The following PARD3B variants were observed in gnomAD, a reference collection of about 807,000 sequenced individuals.
PARD3B encodes the protein par-3 family cell polarity regulator beta.
In PARD3B, 103 loss-of-function variants were observed where a neutral mutation model predicts 130.2. The ratio of observed to expected loss-of-function variants is 0.79; its 90% CI spans 0.67 to 0.93. The LOEUF is 0.93. PARD3B is among the 40% of genes least tolerant of loss of function. PARD3B has a pLI of 0.00. For synonymous variants in PARD3B, 583 were observed against 553.2 expected, an observed-to-expected ratio of 1.05 and a Z score of -0.76; for missense variants, 1,609 against 1,499.2, an observed-to-expected ratio of 1.07 and a Z score of -1.21.
intron 2 of PARD3B, among the ~76,000 whole-genome samples, chr2:204,882,305 A>G (rs562593510): frequency 3.9e-4 from 60 of 152,316 alleles, no homozygotes; most frequent in African/African-American, 1.4e-3. Flanking sequence ...ATGCAGAGTT[A>G]TTATCATTTA....
chr2:204,933,025 ACAGCCT>A (rs200233420), intron 2 of PARD3B, among the ~76,000 whole-genome samples: 2,001 of 152,298 alleles, frequency 0.013, 26 homozygotes, highest in Non-Finnish European at 0.021. Context: ...CCAGACTGTA[ACAGCCT>A]CTAAGTGACC....
In PARD3B at chr2:204,577,034, TG is replaced by T. The variant is rs538419335; in HGVS notation, c.120+30923del. Among the ~76,000 whole-genome samples, 206 of 151,998 alleles carry T rather than the reference TG, an allele frequency of 1.4e-3. 3 individuals are homozygous for T. Among genetic ancestry groups the T allele is most frequent in the African/African-American group, 4.5e-3 (188 of 41,480 alleles). ...AAAACTTGAAAAAAATTATTTTTCTTGGGGGGGGATGGGATAGTTGGGTTTC... is the reference window on the plus strand; with the variant it reads ...AAAACTTGAAAAAAATTATTTTTCTTGGGGGGGATGGGATAGTTGGGTTTC... On this transcript the variant is annotated intron_variant, in intron 1 of 22. Transcript: ENST00000406610.
intron 18 of PARD3B, among the ~76,000 whole-genome samples, chr2:205,392,121 A>G (rs186331630): frequency 6.6e-6 from 1 of 152,276 alleles, no homozygotes; most frequent in African/African-American, 2.4e-5. Context: ...TGCATTTCCT[A>G]GCCCCTCGGT....
chr2:204,864,427 C>CT (rs1467053584), intron 2 of PARD3B, among the ~76,000 whole-genome samples: 2 of 151,988 alleles, frequency 1.3e-5, no homozygotes, highest in Non-Finnish European at 2.9e-5. Flanking sequence ...GCTAAACTGA[C>CT]TTTTTTTTAT....
chr2:205,320,612 G>A (rs1408443655), intron 18 of PARD3B, among the ~76,000 whole-genome samples: 1 of 152,172 alleles, frequency 6.6e-6, no homozygotes, highest in Non-Finnish European at 1.5e-5. Context: ...GAGAGGATAA[G>A]ATGTTCTTCT....
intron 5 of PARD3B, among the ~76,000 whole-genome samples, chr2:205,110,633 TGTTTTTTG>T (rs1013293139): frequency 5.1e-5 from 6 of 117,494 alleles, no homozygotes; most frequent in Non-Finnish European, 1.1e-4. Context: ...TTCTGTTTTT[TGTTTTTTG>T]TTTTTTTTGT....
intron 2 of PARD3B, 135 bp from the exon 3 acceptor site, chr2:204,965,017 G>T (rs898042549): frequency 2.9e-6 from 2 of 679,384 alleles, no homozygotes; most frequent in South Asian, 4.4e-5. Flanking sequence ...AAGAGTTGTG[G>T]TATAGTAACA....
At chr2:204,882,263 T>C (rs2046084088) in intron 2 of PARD3B, among the ~76,000 whole-genome samples, 1 of 152,212 alleles carries the variant, frequency 6.6e-6, no homozygotes, top group African/African-American at 2.4e-5. Context: ...TTGAGAAACC[T>C]TTGTTGCTGG....
chr2:204,910,913 ATT>A (rs1307229621), intron 2 of PARD3B, among the ~76,000 whole-genome samples: 1 of 152,164 alleles, frequency 6.6e-6, no homozygotes, highest in Admixed American at 6.5e-5. Flanking sequence ...AAGTGCTGGG[ATT>A]ACAGGCATGA....
In PARD3B at chr2:205,325,499, A is replaced by T. The variant is rs1448828693; in HGVS notation, c.2630+23798A>T. On this transcript the variant is annotated intron_variant, in intron 18 of 22. Transcript: ENST00000406610. The surrounding 1 kb of genome is among the most constrained non-coding windows in gnomAD (Gnocchi z 4.1). ...CTCCACACTCAGTACTGATAAAGAT[A>T]GTTTACTAATATCATCTCATTGTTT... Among the ~76,000 whole-genome samples, 1 of 146,950 alleles carries T rather than the reference A, an allele frequency of 6.8e-6. No homozygotes were observed. Among genetic ancestry groups the T allele is most frequent in the Middle Eastern group, 3.2e-3 (1 of 312 alleles).
At chr2:204,586,655 A>G (rs2032840320) in intron 1 of PARD3B, among the ~76,000 whole-genome samples, 1 of 151,918 alleles carries the variant, frequency 6.6e-6, no homozygotes, top group Non-Finnish European at 1.5e-5. Context: ...TCTCGAATTT[A>G]TGACTTCCAT....
At chr2:205,387,444 G>A (rs2045701198) in intron 18 of PARD3B, among the ~76,000 whole-genome samples, 1 of 152,090 alleles carries the variant, frequency 6.6e-6, no homozygotes, top group Non-Finnish European at 1.5e-5. Flanking sequence ...ATAGAACTGA[G>A]ATAATGGGTG....
intron 1 of PARD3B, among the ~76,000 whole-genome samples, chr2:204,560,808 A>G (rs1262708439): frequency 6.6e-6 from 1 of 151,982 alleles, no homozygotes; most frequent in Non-Finnish European, 1.5e-5. Context: ...GAGTGGAGAT[A>G]GAGGGAGCTG....
intron 2 of PARD3B, among the ~76,000 whole-genome samples, chr2:204,823,980 G>C (rs2043470519): frequency 1.3e-5 from 2 of 151,696 alleles, no homozygotes; most frequent in Non-Finnish European, 2.9e-5. Flanking sequence ...AGAGTTAAAA[G>C]GGAGAAATAA....
chr2:205,036,225 AT>A (rs1367489153), intron 3 of PARD3B, among the ~76,000 whole-genome samples: 1 of 145,918 alleles, frequency 6.9e-6, no homozygotes, highest in Non-Finnish European at 1.5e-5. Context: ...AAATATGTAT[AT>A]AGTGGGCTAT....
intron 2 of PARD3B, among the ~76,000 whole-genome samples, chr2:204,853,654 A>G (rs1285036556): frequency 1.4e-5 from 2 of 146,002 alleles, no homozygotes; most frequent in African/African-American, 2.7e-5. Context: ...GAAACAAAGA[A>G]AAAGAAACAG....
Position 204,606,330 on chromosome 2 carries a change from G to C in PARD3B, c.120+60211G>C, listed in dbSNP as rs940539149. On this transcript the variant is annotated intron_variant, in intron 1 of 22. Transcript: ENST00000406610. This position sits in a 1 kb window ranked among gnomAD's most constrained non-coding sequence, Gnocchi z 4.0. ...GCTTTAGTACTTTTTAGTACTAAGAGGACTACTTTTTTAGTACTTTAGTTT... is the reference window on the plus strand; with the variant it reads ...GCTTTAGTACTTTTTAGTACTAAGACGACTACTTTTTTAGTACTTTAGTTT... Among the ~76,000 whole-genome samples, 3 of 152,106 alleles carry C rather than the reference G, an allele frequency of 2.0e-5. No homozygotes were observed. The highest frequency in any genetic ancestry group is 2.9e-5 in the Non-Finnish European group (2 of 68,024).
intron 15 of PARD3B, among the ~76,000 whole-genome samples, chr2:205,206,805 C>T (rs1441529945): frequency 2.6e-5 from 4 of 151,724 alleles, no homozygotes; most frequent in Non-Finnish European, 4.4e-5. Context: ...TTAGACAGAT[C>T]AACGAGACAG....
chr2:204,956,887 C>T (rs1319276904), intron 2 of PARD3B, among the ~76,000 whole-genome samples: 1 of 152,142 alleles, frequency 6.6e-6, no homozygotes, highest in East Asian at 1.9e-4. Flanking sequence ...TGCTTTTGTT[C>T]TGGCTTGCTT....
Sources: gnomAD v4.1 joint callset for allele counts (sites outside exome capture counted in the v4.1 genomes callset) on GRCh38, gnomAD v4.1.1 for gene constraint, Gnocchi (gnomAD v3.1) non-coding constraint, MANE v1.5 for transcripts, NCBI Gene and HGNC (gene_info 2026-07-23, HGNC 2026-07-21) for gene names.